ARSG: variants seen among roughly 807,000 people sequenced by gnomAD.
ARSG encodes arylsulfatase G.
A neutral mutation model predicts 50.5 loss-of-function variants in ARSG; 37 were observed. The ratio of observed to expected loss-of-function variants is 0.73; its 90% CI spans 0.56 to 0.96. The LOEUF is 0.96. ARSG is among the 50% of genes least tolerant of loss of function. The pLI is 0.00. For missense variants in ARSG, 629 were observed against 675.3 expected, an observed-to-expected ratio of 0.93 and a Z score of 0.76; for synonymous variants, 225 against 254.6, an observed-to-expected ratio of 0.88 and a Z score of 1.11.
chr17:68,313,213 A>T (rs1391541539), intron 2 of ARSG, among the ~76,000 whole-genome samples: 1 of 152,192 alleles, frequency 6.6e-6, no homozygotes, highest in African/African-American at 2.4e-5. Context: ...GTGAGCCGAG[A>T]TTGCGCCACT....
At chr17:68,346,629 C>A in intron 3 of ARSG, 1 of 885,114 alleles carries the variant, frequency 1.1e-6, no homozygotes, top group Non-Finnish European at 1.5e-6. Flanking sequence ...TCCTCATTTG[C>A]TGCCCCGTAG....
At chr17:68,277,808 G>A (rs1193829410) in intron 1 of ARSG, among the ~76,000 whole-genome samples, 2 of 152,258 alleles carry the variant, frequency 1.3e-5, no homozygotes, top group East Asian at 3.9e-4. Flanking sequence ...ACTCCTTAAG[G>A]GAATCTACAG....
rs3744307 is a variant in ARSG at position 68,271,509 on chromosome 17, T to G, written c.-552+12083T>G. 293,039 of 1,614,042 alleles carry G rather than the reference T, an allele frequency of 0.18. 27,224 individuals carry two copies. The highest frequency in any genetic ancestry group is 0.19 in the Non-Finnish European group (226,409 of 1,179,978). On this transcript the variant is annotated intron_variant, in intron 1 of 11. Transcript: ENST00000448504. The surrounding 1 kb of genome is among the most constrained non-coding windows in gnomAD (Gnocchi z 5.3). ...GCATATACTGCGCTTCTTTCCGATT[T>G]TCCTGGATGACTATTTTCGGTGACG...
chr17:68,382,770 T>C (rs1364674058), intron 8 of ARSG, among the ~76,000 whole-genome samples: 1 of 152,234 alleles, frequency 6.6e-6, no homozygotes, highest in Non-Finnish European at 1.5e-5. Flanking sequence ...AATTGCCTGT[T>C]CACACTCTAG....
At chr17:68,444,731 G>C in the ARSG span, 1 of 619,094 alleles carries the variant, frequency 1.6e-6, no homozygotes, top group East Asian at 2.9e-5. Flanking sequence ...TGAAGATTGT[G>C]TTTATGGATG....
At chr17:68,349,897 T>A (rs1022367948) in intron 4 of ARSG, among the ~76,000 whole-genome samples, 2 of 151,790 alleles carry the variant, frequency 1.3e-5, no homozygotes, top group Non-Finnish European at 2.9e-5. Context: ...GAAAAAAAAA[T>A]ACGACAAGCA....
At chr17:68,265,632 C>T (rs1306285519) in intron 1 of ARSG, among the ~76,000 whole-genome samples, 3 of 151,394 alleles carry the variant, frequency 2.0e-5, no homozygotes, top group Admixed American at 6.6e-5. Context: ...TTGCTTCTGG[C>T]GGTACTGACC....
chr17:68,355,117 A>G (rs970680663), intron 5 of ARSG, among the ~76,000 whole-genome samples: 1 of 152,036 alleles, frequency 6.6e-6, no homozygotes, highest in Non-Finnish European at 1.5e-5. Flanking sequence ...AGAGCTTGAG[A>G]TTTTTCAGAA....
At chr17:68,387,905 G>A (rs1000720438) in intron 9 of ARSG, among the ~76,000 whole-genome samples, 8 of 152,032 alleles carry the variant, frequency 5.3e-5, no homozygotes, top group South Asian at 4.1e-4. Context: ...GAGAGGGGGC[G>A]GGGGATCCAT....
chr17:68,390,993 G>T (rs535435527), intron 9 of ARSG, among the ~76,000 whole-genome samples: 22 of 151,256 alleles, frequency 1.5e-4, no homozygotes, highest in African/African-American at 4.9e-4. Context: ...CATGAAAGCT[G>T]CAGTGTGGCT....
intron 6 of ARSG, 119 bp downstream of exon 6, chr17:68,356,923 A>T: frequency 8.1e-7 from 1 of 1,228,176 alleles, no homozygotes; most frequent in Non-Finnish European, 1.1e-6. Context: ...TGCTCAGCAG[A>T]GATGGATGCA....
chr17:68,320,608 G>A (rs950093348), intron 2 of ARSG, among the ~76,000 whole-genome samples: 8 of 152,142 alleles, frequency 5.3e-5, no homozygotes, highest in African/African-American at 1.9e-4. Flanking sequence ...GAGACTGGAT[G>A]GAGGGACTGG....
chr17:68,426,140 CTT>C, downstream of ARSG: 1 of 1,612,190 alleles, frequency 6.2e-7, no homozygotes, highest in Middle Eastern at 2.1e-4. Context: ...TCAGGAATAA[CTT>C]CTCCTCGCAG....
intron 11 of ARSG, among the ~76,000 whole-genome samples, chr17:68,402,231 T>TTTG (rs946788827): frequency 7.3e-5 from 11 of 151,536 alleles, no homozygotes; most frequent in African/African-American, 2.4e-4. Flanking sequence ...TTTTTTGTTG[T>TTTG]TTGTTGTTGT....
chr17:68,338,115 C>T (rs2078109115), intron 2 of ARSG, among the ~76,000 whole-genome samples: 1 of 152,092 alleles, frequency 6.6e-6, no homozygotes, highest in Admixed American at 6.6e-5. Context: ...GTTGTGTCAT[C>T]TGATTTCAAG....
At chr17:68,298,965 A>T (rs2076309652) in intron 1 of ARSG, among the ~76,000 whole-genome samples, 1 of 152,150 alleles carries the variant, frequency 6.6e-6, no homozygotes, top group Non-Finnish European at 1.5e-5. Context: ...ATAAAAACAT[A>T]TTTCATTGAG....
intron 1 of ARSG, chr17:68,278,232 G>A (rs782067287): frequency 1.2e-6 from 2 of 1,614,158 alleles, no homozygotes; most frequent in Admixed American, 3.3e-5. Context: ...GAAGAAAAAT[G>A]AAACAGCTAC....
chr17:68,377,487 C>T (rs918594869), intron 8 of ARSG, among the ~76,000 whole-genome samples: 2 of 152,188 alleles, frequency 1.3e-5, no homozygotes, highest in African/African-American at 4.8e-5. Context: ...AATCTTGACT[C>T]AGCTCAGGGC....
the ARSG span, chr17:68,444,438 A>G: frequency 6.6e-7 from 1 of 1,514,066 alleles, no homozygotes; most frequent in African/African-American, 1.4e-5. Context: ...AAGCTTGGGA[A>G]AGAAGCACCA....
Sources: allele counts gnomAD v4.1 joint callset (sites outside exome capture counted in the v4.1 genomes callset), GRCh38; gene constraint gnomAD v4.1.1; non-coding constraint Gnocchi (gnomAD v3.1); transcripts MANE v1.5; gene names NCBI Gene and HGNC (gene_info 2026-07-23, HGNC 2026-07-21).